The following KIAA1328 variants were observed in gnomAD, a reference collection of about 807,000 sequenced individuals.
KIAA1328 encodes the protein protein hinderin.
Under a neutral mutation model 68.1 loss-of-function variants are expected in KIAA1328, and 52 were observed. That is an observed-to-expected ratio of 0.76 (90% confidence interval 0.61 to 0.96). KIAA1328 has a LOEUF of 0.96. Among genes scored for constraint, KIAA1328 ranks in the 40% least tolerant of loss-of-function variants. The pLI is 0.00. For synonymous variants in KIAA1328, 232 were observed against 239.4 expected (o/e 0.97, Z 0.28); for missense variants, 641 against 677.6 (o/e 0.95, Z 0.60).
chr18:36,839,336 C>T (rs1173237464), intron 3 of KIAA1328, among the ~76,000 whole-genome samples: 1 of 152,156 alleles, frequency 6.6e-6, no homozygotes, highest in African/African-American at 2.4e-5. Flanking sequence ...AATGTCTAAT[C>T]TGCCACTAAT....
At position 37,222,320 on chromosome 18, in the gene KIAA1328, C is replaced by G. The variant is rs2060579858; in HGVS notation, c.*93C>G. ...TTCATTGCAAAGTAATTGTGTCTCT[C>G]CTTTCACGGGGACTTGTCTCACTAG... On this transcript the variant is annotated 3_prime_UTR_variant, in exon 10 of 10. Coordinates refer to ENST00000280020, the MANE Select transcript of KIAA1328 (RefSeq NM_020776.3). The G allele has an allele frequency of 6.6e-7, 1 of 1,511,508 alleles. No homozygotes were observed. The highest frequency in any genetic ancestry group is 2.4e-4 in the Middle Eastern group (1 of 4,246). The allele number at this position is 1,511,508 out of a possible 1,614,324, so 93.6% of individuals were successfully genotyped here. A position where few individuals can be genotyped will look rare whatever the true frequency, so the allele number is the denominator to read the frequency against.
chr18:36,927,568 G>A (rs922076668), intron 5 of KIAA1328, among the ~76,000 whole-genome samples: 2 of 152,034 alleles, frequency 1.3e-5, no homozygotes, highest in Non-Finnish European at 2.9e-5. Flanking sequence ...GCAATAGGGC[G>A]AAACTTCATC....
At chr18:37,178,283 C>A (rs1429634405) in intron 9 of KIAA1328, among the ~76,000 whole-genome samples, 1 of 152,132 alleles carries the variant, frequency 6.6e-6, no homozygotes, top group Non-Finnish European at 1.5e-5. Flanking sequence ...CTAGATCCCA[C>A]ATACAAGTGA....
intron 6 of KIAA1328, among the ~76,000 whole-genome samples, chr18:37,023,042 T>C (rs1330665204): frequency 6.6e-6 from 1 of 152,146 alleles, no homozygotes; most frequent in African/African-American, 2.4e-5. Context: ...TCTCTTCTTA[T>C]TTTTTAGAGA....
chr18:37,217,692 T>C (rs1191585923), intron 9 of KIAA1328, among the ~76,000 whole-genome samples: 1 of 152,182 alleles, frequency 6.6e-6, no homozygotes, highest in African/African-American at 2.4e-5. Context: ...TTCTCTGTAT[T>C]TCCTGAATTT....
In KIAA1328 at chr18:37,067,038, T is replaced by C; in HGVS notation, c.725T>C (p.Phe242Ser). The C allele has an allele frequency of 1.9e-6, 3 of 1,613,942 alleles. No individual in the cohort carries two copies. Among genetic ancestry groups the C allele is most frequent in the Non-Finnish European group, 2.5e-6 (3 of 1,179,876 alleles). The change falls in exon 7 of 10, where the codon TTT (phenylalanine) becomes TCT (serine). Residue 242 changes from phenylalanine (F) to serine (S), a missense_variant. Coordinates refer to ENST00000280020, the MANE Select transcript of KIAA1328 (RefSeq NM_020776.3). ...TCAGCTTCAGAATCCCTTATAGCAT[T>C]TAGGAATAATTCTTTGAAACCAGTA... ...QDSASESLIA[F>S]RNNSLKPVTL...
intron 4 of KIAA1328, among the ~76,000 whole-genome samples, chr18:36,854,834 C>G (rs1017942949): frequency 1.3e-5 from 2 of 152,144 alleles, no homozygotes; most frequent in East Asian, 1.9e-4. Context: ...TATTTCTCCT[C>G]TCTTCAGCCC....
intron 5 of KIAA1328, among the ~76,000 whole-genome samples, chr18:36,910,291 T>C (rs1261247522): frequency 6.6e-6 from 1 of 152,208 alleles, no homozygotes; most frequent in African/African-American, 2.4e-5. Context: ...CTTGAATTAA[T>C]TTTTGTATAA....
At position 36,838,277 on chromosome 18, in the gene KIAA1328, T is replaced by C. The variant is rs1196806368; in HGVS notation, c.237+2901T>C. 3.3e-5 allele frequency among the ~76,000 whole-genome samples: 5 copies of C among 152,234 alleles called. No homozygotes were observed. The East Asian group carries it at 9.6e-4, about 29-fold the overall frequency. On this transcript the variant is annotated intron_variant, in intron 3 of 9. Coordinates refer to ENST00000280020, the MANE Select transcript of KIAA1328 (RefSeq NM_020776.3). ...AATAGAGATAGTTCACATATTCTTATTGGATGCCTTTATTCCATTTTGGAT... is the reference window on the plus strand; with the variant it reads ...AATAGAGATAGTTCACATATTCTTACTGGATGCCTTTATTCCATTTTGGAT...
intron 8 of KIAA1328, among the ~76,000 whole-genome samples, chr18:37,164,620 C>T (rs2059348931): frequency 6.6e-6 from 1 of 152,122 alleles, no homozygotes; most frequent in Admixed American, 6.5e-5. Context: ...GTGGCACATA[C>T]CTGTAGTCCC....
At chr18:37,110,548 T>G (rs1226459075) in intron 7 of KIAA1328, among the ~76,000 whole-genome samples, 2 of 152,234 alleles carry the variant, frequency 1.3e-5, no homozygotes, top group African/African-American at 4.8e-5. Flanking sequence ...AACTATAGCT[T>G]CCATTTGCTT....
At chr18:37,231,724 C>A (rs2154228420), downstream of KIAA1328, 1 of 152,802 alleles carries the variant, frequency 6.5e-6, no homozygotes, top group African/African-American at 2.4e-5. Flanking sequence ...GGCCCATGGC[C>A]TGACGTCTTC....
chr18:37,180,058 C>CCACACA lies in KIAA1328; in HGVS notation c.1523+7020_1523+7025dup, dbSNP rs139301794. ...TGACAGCTGCCATGGGATTCAAAAG[C>CCACACA]CACACACACACACACACACACACAC... is the stretch of plus-strand genomic sequence containing the variant. On this transcript the variant is annotated intron_variant, in intron 9 of 9. Coordinates refer to ENST00000280020, the MANE Select transcript of KIAA1328 (RefSeq NM_020776.3). Among the ~76,000 whole-genome samples, 167 of 134,158 alleles carry CCACACA rather than the reference C, an allele frequency of 1.2e-3. 1 individual carries two copies. Among genetic ancestry groups the CCACACA allele is most frequent in the South Asian group, 4.3e-3 (16 of 3,722 alleles). The allele number at this position is 134,158 out of a possible 152,430, so 88.0% of individuals were successfully genotyped here.
chr18:36,915,505 A>C (rs1253214483), intron 5 of KIAA1328, among the ~76,000 whole-genome samples: 1 of 152,172 alleles, frequency 6.6e-6, no homozygotes, highest in African/African-American at 2.4e-5. Context: ...ATCTAACAAA[A>C]AGGCAAAGGT....
intron 5 of KIAA1328, among the ~76,000 whole-genome samples, chr18:36,906,426 A>T (rs951935488): frequency 6.6e-6 from 1 of 152,174 alleles, no homozygotes; most frequent in Non-Finnish European, 1.5e-5. Flanking sequence ...AGAATGCTAT[A>T]TAAGTGGAAT....
At chr18:36,845,360 G>T (rs999163434) in intron 4 of KIAA1328, among the ~76,000 whole-genome samples, 3 of 151,610 alleles carry the variant, frequency 2.0e-5, no homozygotes, top group Non-Finnish European at 4.4e-5. Context: ...TTCTTGTGAG[G>T]CTATTACTAC....
intron 7 of KIAA1328, among the ~76,000 whole-genome samples, chr18:37,137,125 G>T (rs1282519197): frequency 1.3e-5 from 2 of 152,086 alleles, no homozygotes; most frequent in Non-Finnish European, 2.9e-5. Flanking sequence ...AATGAGATCT[G>T]CTCTAATCCC....
chr18:36,970,411 T>C (rs2052142859), intron 6 of KIAA1328, among the ~76,000 whole-genome samples: 1 of 152,198 alleles, frequency 6.6e-6, no homozygotes, highest in African/African-American at 2.4e-5. Context: ...ATGGATGCTC[T>C]CTCTCACCAC....
intron 5 of KIAA1328, among the ~76,000 whole-genome samples, chr18:36,948,331 G>A (rs1461615971): frequency 2.1e-5 from 3 of 142,662 alleles, no homozygotes; most frequent in Non-Finnish European, 3.0e-5. Flanking sequence ...GTGCGATCTC[G>A]GCTCACTGCA....
Sources: gnomAD v4.1 joint callset for allele counts (sites outside exome capture counted in the v4.1 genomes callset) on GRCh38, gnomAD v4.1.1 for gene constraint, MANE v1.5 for transcripts, NCBI Gene and HGNC (gene_info 2026-07-23, HGNC 2026-07-21) for gene names.